Variants in FRAS1 observed in about 807,000 individuals in gnomAD.
FRAS1 encodes the protein Fraser extracellular matrix complex subunit 1, also known as extracellular matrix organizing protein FRAS1.
A neutral mutation model predicts 435.2 loss-of-function variants in FRAS1; 290 were observed. The ratio of observed to expected loss-of-function variants is 0.67; its 90% CI spans 0.61 to 0.73. The LOEUF is 0.73. Ranked by LOEUF, FRAS1 falls within the 30% of genes least tolerant of loss-of-function variation. The pLI is 0.00. For missense variants in FRAS1, 4,860 were observed against 5,001.5 expected, an observed-to-expected ratio of 0.97 and a Z score of 0.85; for synonymous variants, 1,800 against 1,851.0, an observed-to-expected ratio of 0.97 and a Z score of 0.71.
chr4:78,075,747 G>C (rs1487468867), intron 2 of FRAS1, among the ~76,000 whole-genome samples: 5 of 152,192 alleles, frequency 3.3e-5, no homozygotes, highest in African/African-American at 1.2e-4. Flanking sequence ...TCGCAATTGA[G>C]AATACTCTTA....
rs28372982 is a variant in FRAS1, at chr4:78,429,323, C to T, written c.4843+97C>T. 1,518 of 1,434,920 alleles carry T rather than the reference C, an allele frequency of 1.1e-3. 2 individuals are homozygous for T. The highest frequency in any genetic ancestry group is 1.3e-3 in the Non-Finnish European group (1,419 of 1,082,008). 88.9% of individuals were successfully genotyped at this position (1,434,920 alleles called of 1,614,324 possible). A position where few individuals can be genotyped will look rare whatever the true frequency, so the allele number is the denominator to read the frequency against. The stretch of plus-strand genomic sequence containing the variant: ...TTGATGGTTGCCAAAAAAGCAAACT[C>T]TTCTTCCAGAAGTTGCCTGCATTCT... On this transcript the variant is annotated intron_variant, in intron 36 of 73. Transcript: ENST00000512123.
chr4:78,151,084 T>G (rs906497281), intron 2 of FRAS1, among the ~76,000 whole-genome samples: 3 of 152,222 alleles, frequency 2.0e-5, no homozygotes, highest in African/African-American at 7.2e-5. Context: ...TCTGAAATTT[T>G]TCACCACCAC....
At position 78,188,570 on chromosome 4, in the gene FRAS1, A is replaced by G. The variant is rs138860082; in HGVS notation, c.109-48940A>G. ...TCAGGCCCAACAAGAATATAAAGGA[A>G]CATTGCTTTTACTTAAAGTCAACTG... On this transcript the variant is annotated intron_variant, in intron 2 of 73. Transcript: ENST00000512123. Among the ~76,000 whole-genome samples, 5 of 152,300 alleles carry G rather than the reference A, an allele frequency of 3.3e-5. No individual in the cohort carries two copies. In the East Asian group the frequency reaches 5.8e-4, roughly 18 times the overall value.
intron 2 of FRAS1, among the ~76,000 whole-genome samples, chr4:78,126,513 G>C (rs560310567): frequency 3.3e-5 from 5 of 152,308 alleles, no homozygotes; most frequent in African/African-American, 7.2e-5. Flanking sequence ...GACCAGAGCT[G>C]TTCCTATATG....
chr4:78,486,148 G>A (rs776944787), intron 58 of FRAS1, among the ~76,000 whole-genome samples: 10 of 152,178 alleles, frequency 6.6e-5, no homozygotes, highest in Non-Finnish European at 1.5e-4. Context: ...TCATTAACTC[G>A]TGAAACAGAG....
intron 2 of FRAS1, among the ~76,000 whole-genome samples, chr4:78,095,482 C>T (rs1741754638): frequency 6.6e-6 from 1 of 152,094 alleles, no homozygotes; most frequent in Non-Finnish European, 1.5e-5. Context: ...CCCTCTGAGC[C>T]CCAAATTCAT....
intron 34 of FRAS1, among the ~76,000 whole-genome samples, chr4:78,423,664 C>A (rs919187908): frequency 6.6e-6 from 1 of 152,198 alleles, no homozygotes; most frequent in East Asian, 1.9e-4. Context: ...TTTAATCGCC[C>A]AGAAAACAGT....
intron 2 of FRAS1, among the ~76,000 whole-genome samples, chr4:78,227,142 A>G (rs1024400011): frequency 6.6e-6 from 1 of 152,210 alleles, no homozygotes; most frequent in Non-Finnish European, 1.5e-5. Context: ...TTCCTTGACT[A>G]GTTAAGTCCC....
intron 14 of FRAS1, among the ~76,000 whole-genome samples, chr4:78,298,036 A>ATATG (rs1560635180): frequency 8.4e-6 from 1 of 119,034 alleles, no homozygotes; most frequent in Non-Finnish European, 1.8e-5. Flanking sequence ...CTCTCTATAT[A>ATATG]TATATATATA....
In FRAS1 at chr4:78,274,281, AT is replaced by A. The variant is rs1416451075; in HGVS notation, c.982-4368del. Among the ~76,000 whole-genome samples the A allele has an allele frequency of 2.0e-5, 3 of 151,210 alleles. No individual in the cohort carries two copies. In the South Asian group the frequency reaches 6.3e-4, roughly 32 times the overall value. On this transcript the variant is annotated intron_variant, in intron 9 of 73. Transcript: ENST00000512123. ...AAAAAACTAGCTCCTGGATTCATTGATTTTTTGAAGGGTTTTTTGTGTCTCT... is the reference window on the plus strand; with the variant it reads ...AAAAAACTAGCTCCTGGATTCATTGATTTTTGAAGGGTTTTTTGTGTCTCT...
At chr4:78,367,511 T>G (rs1731324260) in intron 22 of FRAS1, among the ~76,000 whole-genome samples, 1 of 152,078 alleles carries the variant, frequency 6.6e-6, no homozygotes, top group African/African-American at 2.4e-5. Context: ...GACCCCTGGC[T>G]GGGGAACTGG....
At chr4:78,098,946 T>C (rs909532146) in intron 2 of FRAS1, among the ~76,000 whole-genome samples, 1 of 152,324 alleles carries the variant, frequency 6.6e-6, no homozygotes, top group Non-Finnish European at 1.5e-5. Context: ...AAACGTGCTC[T>C]CTTTTTATGG....
At chr4:78,115,163 A>G (rs983627605) in intron 2 of FRAS1, among the ~76,000 whole-genome samples, 1 of 151,420 alleles carries the variant, frequency 6.6e-6, no homozygotes, top group African/African-American at 2.4e-5. Context: ...CCAGCCTTGC[A>G]TCCCAGGGAT....
intron 2 of FRAS1, among the ~76,000 whole-genome samples, chr4:78,078,806 G>C (rs1740773412): frequency 2.0e-5 from 3 of 152,052 alleles, no homozygotes; most frequent in African/African-American, 7.2e-5. Context: ...ATATTAAGAA[G>C]AATTGTTGTT....
rs749238558 is a variant in FRAS1 at position 78,282,943 on chromosome 4, C to T, written c.1231C>T (p.Gln411Ter). 3.2e-6 allele frequency: 5 copies of T among 1,586,390 alleles called. No homozygotes were observed. Among genetic ancestry groups the T allele is most frequent in the Non-Finnish European group, 4.3e-6 (5 of 1,168,590 alleles). Reference sequence around the variant, plus strand: ...CACACTGGCCTTAGAGGTGAAGGGACAGTGCTGTCCAGACTGCACATCAGG... The same window carrying T: ...CACACTGGCCTTAGAGGTGAAGGGATAGTGCTGTCCAGACTGCACATCAGG... ...VGTLALEVKG[Q>*]CCPDCTSVHC... Residue 411 changes from glutamine to a stop codon, truncating the protein, a stop_gained, in exon 12 of 74, where the codon CAG becomes TAG. Transcript: ENST00000512123. LOFTEE classifies it high-confidence loss of function.
chr4:78,057,777 A>T lies in FRAS1; in HGVS notation c.-233A>T, dbSNP rs566584457. The T allele has an allele frequency of 1.4e-5, 8 of 551,816 alleles. No homozygotes were observed. The highest frequency in any genetic ancestry group is 5.8e-5 in the East Asian group (2 of 34,486). 34.2% of individuals were successfully genotyped at this position (551,816 alleles called of 1,614,324 possible). ...CGTTGGCGTCCTGCCTTGCGGGGGA[A>T]CTCGGCGCGCTCTCTGCCTGAGCAG... On this transcript the variant is annotated 5_prime_UTR_variant, in exon 1 of 74. Coordinates refer to ENST00000512123, the MANE Select transcript of FRAS1 (RefSeq NM_025074.7). The surrounding 1 kb of genome is among the most constrained non-coding windows in gnomAD (Gnocchi z 4.2).
At chr4:78,276,529 T>C (rs984466578) in intron 9 of FRAS1, among the ~76,000 whole-genome samples, 1 of 152,244 alleles carries the variant, frequency 6.6e-6, no homozygotes, top group Non-Finnish European at 1.5e-5. Context: ...GTTTTCCTTC[T>C]AACAGTCAGG....
chr4:78,529,852 T>C (rs1442857448), intron 70 of FRAS1, among the ~76,000 whole-genome samples: 2 of 152,214 alleles, frequency 1.3e-5, no homozygotes, highest in Non-Finnish European at 2.9e-5. Context: ...TTAAAACTTA[T>C]GAATTGTTTA....
intron 52 of FRAS1, among the ~76,000 whole-genome samples, chr4:78,473,169 A>G (rs935186967): frequency 1.3e-5 from 2 of 152,014 alleles, no homozygotes; most frequent in African/African-American, 4.8e-5. Flanking sequence ...TTTTGTCAGG[A>G]CCCTGGGATT....
Sources: gnomAD v4.1 joint callset for allele counts (sites outside exome capture counted in the v4.1 genomes callset) on GRCh38, gnomAD v4.1.1 for gene constraint, Gnocchi (gnomAD v3.1) non-coding constraint, MANE v1.5 for transcripts, NCBI Gene and HGNC (gene_info 2026-07-23, HGNC 2026-07-21) for gene names.